The following PTPRD variants were observed in gnomAD, a reference collection of about 807,000 sequenced individuals.
PTPRD encodes receptor-type tyrosine-protein phosphatase delta.
PTPRD carries 34 observed loss-of-function variants against 214.5 expected under a neutral mutation model. The observed-to-expected ratio is 0.16, with a 90% CI of 0.12 to 0.21. The LOEUF is 0.21. Among genes scored for constraint, PTPRD ranks in the 10% least tolerant of loss-of-function variants. PTPRD has a pLI of 1.00. For missense variants in PTPRD, 2,545 were observed against 2,398.7 expected (o/e 1.06, Z -1.27); for synonymous variants, 1,128 against 845.7 (o/e 1.33, Z -5.79).
intron 10 of PTPRD, among the ~76,000 whole-genome samples, chr9:9,054,553 T>TGGCCAGGACCACACAAGGCCAAG (rs1166490135): frequency 5.9e-5 from 9 of 152,208 alleles, no homozygotes; most frequent in African/African-American, 2.2e-4. Context: ...GTCTGTGCTA[T>TGGCCAGGACCACACAAGGCCAAG]GGCCAGGACC....
intron 12 of PTPRD, among the ~76,000 whole-genome samples, chr9:8,655,291 T>G (rs2096887161): frequency 6.6e-6 from 1 of 152,214 alleles, no homozygotes; most frequent in South Asian, 2.1e-4. Context: ...CCCCTGCCTC[T>G]TTGGGGAAAT....
At chr9:9,104,893 G>T (rs568271157) in intron 10 of PTPRD, among the ~76,000 whole-genome samples, 1 of 152,286 alleles carries the variant, frequency 6.6e-6, no homozygotes, top group Admixed American at 6.5e-5. Context: ...CAAACTGGTG[G>T]CTGGATTCCA....
intron 3 of PTPRD, among the ~76,000 whole-genome samples, chr9:10,278,995 C>T (rs987672894): frequency 2.6e-5 from 4 of 152,058 alleles, no homozygotes; most frequent in Admixed American, 6.5e-5. Context: ...AGGATGATCT[C>T]GATCTCCTGG....
chr9:10,207,005 G>A (rs939734679), intron 3 of PTPRD, among the ~76,000 whole-genome samples: 2 of 152,110 alleles, frequency 1.3e-5, no homozygotes, highest in Non-Finnish European at 2.9e-5. Context: ...AATGTATACA[G>A]AGGGAAATAA....
At chr9:10,221,421 G>C (rs1352786273) in intron 3 of PTPRD, among the ~76,000 whole-genome samples, 1 of 151,796 alleles carries the variant, frequency 6.6e-6, no homozygotes, top group African/African-American at 2.4e-5. Flanking sequence ...TTTTTCCTAA[G>C]GGATTTTTTA....
Position 9,538,360 on chromosome 9 carries a change from C to T in PTPRD, c.-237+36372G>A, listed in dbSNP as rs192263222. On this transcript the variant is annotated intron_variant, in intron 8 of 45. Transcript: ENST00000381196. ...AAACAAGTTTCTGGCAATTTGTCTC[C>T]GAGACAACCATTAAGCATAAAAAGT... Among the ~76,000 whole-genome samples, 84 of 151,870 alleles carry T rather than the reference C, an allele frequency of 5.5e-4. 1 individual carries two copies. The highest frequency in any genetic ancestry group is 4.9e-3 in the Admixed American group (74 of 15,200).
At chr9:8,774,234 G>A (rs1457771695) in intron 11 of PTPRD, among the ~76,000 whole-genome samples, 2 of 138,334 alleles carry the variant, frequency 1.4e-5, no homozygotes, top group Non-Finnish European at 3.2e-5. Context: ...TGCTCAATTT[G>A]GTTTCCTTCA....
At chr9:8,554,051 G>C (rs1196443118) in intron 14 of PTPRD, among the ~76,000 whole-genome samples, 1 of 152,110 alleles carries the variant, frequency 6.6e-6, no homozygotes, top group African/African-American at 2.4e-5. Context: ...AGCCGGGCGT[G>C]GTATTGCACG....
intron 3 of PTPRD, among the ~76,000 whole-genome samples, chr9:10,255,922 TG>T (rs2093229062): frequency 6.6e-6 from 1 of 152,196 alleles, no homozygotes; most frequent in African/African-American, 2.4e-5. Context: ...CTCTAGTACC[TG>T]TCCTTGGCGT....
intron 2 of PTPRD, among the ~76,000 whole-genome samples, chr9:10,533,136 T>A (rs2056860789): frequency 6.6e-6 from 1 of 152,084 alleles, no homozygotes; most frequent in Non-Finnish European, 1.5e-5. Context: ...TCCTACATGA[T>A]CTCTTTGCAT....
intron 10 of PTPRD, among the ~76,000 whole-genome samples, chr9:9,041,960 C>T (rs552619006): frequency 1.7e-4 from 26 of 152,272 alleles, no homozygotes; most frequent in Admixed American, 7.9e-4. Context: ...TGGCAGAAAA[C>T]GGACAATATA....
At chr9:10,140,926 G>C (rs955963751) in intron 3 of PTPRD, among the ~76,000 whole-genome samples, 2 of 151,916 alleles carry the variant, frequency 1.3e-5, no homozygotes. Context: ...TCATCCCTGG[G>C]ATGCAAGGCT....
At chr9:9,408,218 C>T (rs1489474939) in intron 8 of PTPRD, among the ~76,000 whole-genome samples, 1 of 151,754 alleles carries the variant, frequency 6.6e-6, no homozygotes, top group African/African-American at 2.4e-5. Flanking sequence ...ATTCTGACAG[C>T]AAAGGAAATT....
chr9:10,126,398 G>T (rs988798439), intron 3 of PTPRD, among the ~76,000 whole-genome samples: 1 of 149,282 alleles, frequency 6.7e-6, no homozygotes, highest in East Asian at 2.0e-4. Flanking sequence ...ATTGAAATTT[G>T]ATTCCTTAAA....
chr9:9,094,890 C>G (rs2099781281), intron 10 of PTPRD, among the ~76,000 whole-genome samples: 1 of 152,058 alleles, frequency 6.6e-6, no homozygotes, highest in African/African-American at 2.4e-5. Flanking sequence ...ATCTTTAAAC[C>G]AGTGTCCTTC....
chr9:8,912,267 T>G (rs1176625147), intron 11 of PTPRD, among the ~76,000 whole-genome samples: 1 of 152,132 alleles, frequency 6.6e-6, no homozygotes, highest in Non-Finnish European at 1.5e-5. Flanking sequence ...TGTCCATCAG[T>G]TGGTGAATGG....
At chr9:8,698,672 C>A (rs879562785) in intron 12 of PTPRD, among the ~76,000 whole-genome samples, 1 of 152,132 alleles carries the variant, frequency 6.6e-6, no homozygotes, top group African/African-American at 2.4e-5. Flanking sequence ...CTACACCTGC[C>A]GCCTCATGGT....
chr9:9,687,780 T>C (rs1482898372), intron 7 of PTPRD, among the ~76,000 whole-genome samples: 1 of 151,856 alleles, frequency 6.6e-6, no homozygotes, highest in African/African-American at 2.4e-5. Flanking sequence ...TAAGTAGACC[T>C]CCTTCAGGTC....
At chr9:9,388,896 A>T (rs1165897807) in intron 9 of PTPRD, among the ~76,000 whole-genome samples, 4 of 152,174 alleles carry the variant, frequency 2.6e-5, no homozygotes, top group African/African-American at 9.6e-5. Flanking sequence ...TCCTGAAAAA[A>T]AAATCTTTCA....
Sources: allele counts gnomAD v4.1 joint callset (sites outside exome capture counted in the v4.1 genomes callset), GRCh38; gene constraint gnomAD v4.1.1; transcripts MANE v1.5; gene names NCBI Gene and HGNC (gene_info 2026-07-23, HGNC 2026-07-21).